EBF3: variants seen among roughly 807,000 people sequenced by gnomAD.
The protein encoded by EBF3 is EBF transcription factor 3.
In EBF3, 18 loss-of-function variants were observed where a neutral mutation model predicts 77.1. That is an observed-to-expected ratio of 0.23 (90% CI 0.16 to 0.35). The LOEUF is 0.35. Among genes scored for constraint, EBF3 ranks in the 10% least tolerant of loss-of-function variants. EBF3 has a pLI of 1.00. For missense variants in EBF3, 558 were observed against 860.0 expected, an observed-to-expected ratio of 0.65 and a Z score of 4.39; for synonymous variants, 350 against 343.5, an observed-to-expected ratio of 1.02 and a Z score of -0.21.
At position 129,843,214 on chromosome 10, in the gene EBF3, G is replaced by T. The variant is rs796129106; in HGVS notation, c.1129-12C>A. 7 of 1,606,894 alleles carry T rather than the reference G, an allele frequency of 4.4e-6. No homozygotes were observed. The South Asian group carries it at 4.5e-5, about 10-fold the overall frequency. The stretch of plus-strand genomic sequence containing the variant: ...TTCAGTAACACCTCCTAAAGGAAGA[G>T]CAGACAGGAGGTGATTCATGGGAGG... On this transcript the variant is annotated splice_polypyrimidine_tract_variant and intron_variant, in intron 11 of 16. Transcript: ENST00000440978.
At chr10:129,868,960 C>T (rs903885107) in intron 8 of EBF3, among the ~76,000 whole-genome samples, 1 of 152,222 alleles carries the variant, frequency 6.6e-6, no homozygotes, top group Admixed American at 6.5e-5. Context: ...ATCCTCAGGA[C>T]CCTCAGACTA....
At chr10:129,876,061 CAGTCATCTACATATA>C (rs1355829505) in intron 7 of EBF3, among the ~76,000 whole-genome samples, 3 of 152,204 alleles carry the variant, frequency 2.0e-5, no homozygotes, top group Admixed American at 6.5e-5. Context: ...ACAGGCTTTG[CAGTCATCTACATATA>C]GGTCAGCCAC....
intron 7 of EBF3, 118 bp from the exon 8 acceptor site, chr10:129,873,714 G>A: frequency 8.9e-7 from 1 of 1,128,110 alleles, no homozygotes; most frequent in Non-Finnish European, 1.2e-6. Context: ...ACGTGTTCCT[G>A]GACACTGTTG....
At position 129,841,279 on chromosome 10, in the gene EBF3, G is replaced by A. The variant is rs960158494; in HGVS notation, c.1373-247C>T. The stretch of plus-strand genomic sequence containing the variant: ...AGCCGGGGCGCGCTTCGATCTCGCC[G>A]TCAGTGGCTTTCACGTTTCTCTTTA... On this transcript the variant is annotated intron_variant, in intron 13 of 16. Transcript: ENST00000440978. This position sits in a 1 kb window ranked among gnomAD's most constrained non-coding sequence, Gnocchi z 4.6. Among the ~76,000 whole-genome samples the A allele has an allele frequency of 2.6e-5, 4 of 152,178 alleles. No individual in the cohort carries two copies. Among genetic ancestry groups the A allele is most frequent in the Admixed American group, 1.3e-4 (2 of 15,284 alleles).
chr10:129,845,075 G>A (rs767878690), intron 11 of EBF3, among the ~76,000 whole-genome samples: 6 of 152,096 alleles, frequency 3.9e-5, no homozygotes, highest in Non-Finnish European at 7.4e-5. Flanking sequence ...GGAAAATTAC[G>A]TATGCTCTTA....
intron 10 of EBF3, among the ~76,000 whole-genome samples, chr10:129,854,609 C>T (rs1242017644): frequency 6.6e-6 from 1 of 152,188 alleles, no homozygotes; most frequent in Non-Finnish European, 1.5e-5. Flanking sequence ...TCGGTTCCCT[C>T]TGCAGCCGAT....
chr10:129,839,009 G>T, intron 16 of EBF3, 74 bp downstream of exon 16: 1 of 1,268,466 alleles, frequency 7.9e-7, no homozygotes, highest in Non-Finnish European at 1.0e-6. Context: ...CCAGTCGGCG[G>T]CACTTCGGGG....
intron 16 of EBF3, among the ~76,000 whole-genome samples, chr10:129,838,638 C>T (rs995518099): frequency 3.9e-5 from 6 of 152,220 alleles, no homozygotes; most frequent in East Asian, 3.9e-4. Flanking sequence ...TGCACGAAAA[C>T]GCCAAGTGGG....
intron 10 of EBF3, among the ~76,000 whole-genome samples, chr10:129,854,755 G>A (rs1851129487): frequency 6.6e-6 from 1 of 152,222 alleles, no homozygotes; most frequent in Non-Finnish European, 1.5e-5. Flanking sequence ...ATACTTTGCA[G>A]CTTTTCTCAT....
intron 7 of EBF3, 96 bp from the exon 8 acceptor site, chr10:129,873,692 C>A (rs1389379881): frequency 1.6e-6 from 2 of 1,289,428 alleles, no homozygotes; most frequent in Non-Finnish European, 2.0e-6. Flanking sequence ...CTGCAGAGCA[C>A]AAGGAAATTT....
At chr10:129,877,720 G>T in intron 7 of EBF3, 48 bp downstream of exon 7, 1 of 1,507,010 alleles carries the variant, frequency 6.6e-7, no homozygotes, top group Non-Finnish European at 9.2e-7. Context: ...TTCAAATTTG[G>T]TATGAAAAGT....
intron 12 of EBF3, 39 bp downstream of exon 12, chr10:129,843,098 G>GT (rs775027465): frequency 7.0e-5 from 104 of 1,477,580 alleles, no homozygotes; most frequent in Non-Finnish European, 2.1e-5. Context: ...GTTCTGGCAT[G>GT]GGGGGGAGGA....
chr10:129,889,257 C>T (rs982882303), intron 6 of EBF3, among the ~76,000 whole-genome samples: 4 of 152,220 alleles, frequency 2.6e-5, no homozygotes, highest in African/African-American at 9.6e-5. Flanking sequence ...GCAGGGTCTA[C>T]AGAGAGCATG....
In EBF3 at chr10:129,841,748, G is replaced by C. The variant is rs1280327827; in HGVS notation, c.1372+368C>G. Among the ~76,000 whole-genome samples the C allele has an allele frequency of 6.6e-6, 1 of 152,152 alleles. No individual in the cohort carries two copies. The highest frequency in any genetic ancestry group is 2.4e-5 in the African/African-American group (1 of 41,426). ...ACTTAGACCCAAATCCCGCCGTGCA[G>C]TGCGTCCAAGCAGGCTCCCCTCAGC... is the stretch of plus-strand genomic sequence containing the variant. On this transcript the variant is annotated intron_variant, in intron 13 of 16. Transcript: ENST00000440978. This position sits in a 1 kb window ranked among gnomAD's most constrained non-coding sequence, Gnocchi z 4.6.
At chr10:129,889,802 C>CAAA (rs57252162) in intron 6 of EBF3, among the ~76,000 whole-genome samples, 12,222 of 114,636 alleles carry the variant, frequency 0.11, 731 homozygotes, top group East Asian at 0.2. Flanking sequence ...GTCACATCTG[C>CAAA]AAAAAAAAAA....
At chr10:129,855,402 C>G (rs1036282720) in intron 10 of EBF3, among the ~76,000 whole-genome samples, 1 of 152,226 alleles carries the variant, frequency 6.6e-6, no homozygotes, top group Non-Finnish European at 1.5e-5. Context: ...TCAAACAATT[C>G]TGTTTACATA....
intron 6 of EBF3, among the ~76,000 whole-genome samples, chr10:129,910,783 TC>T (rs1319536189): frequency 1.3e-5 from 2 of 151,998 alleles, no homozygotes; most frequent in African/African-American, 4.8e-5. Context: ...CTAAAATCCT[TC>T]CTAGACCCCC....
chr10:129,842,465 G>T lies in EBF3; in HGVS notation c.1195-172C>A, dbSNP rs1850142369. On this transcript the variant is annotated intron_variant, in intron 12 of 16. Coordinates refer to ENST00000440978, the MANE Select transcript of EBF3 (RefSeq NM_001375380.1). This position sits in a 1 kb window ranked among gnomAD's most constrained non-coding sequence, Gnocchi z 4.4. ...TAGAAAATCATTTACTGACGCTTTT[G>T]AAAGTGTGCAATATCTGGCTGGGCA... Among the ~76,000 whole-genome samples, 1 of 152,306 alleles carries T rather than the reference G, an allele frequency of 6.6e-6. No homozygotes were observed. The highest frequency in any genetic ancestry group is 1.9e-4 in the East Asian group (1 of 5,150).
At chr10:129,946,778 G>T (rs1431600246) in intron 6 of EBF3, among the ~76,000 whole-genome samples, 1 of 152,184 alleles carries the variant, frequency 6.6e-6, no homozygotes, top group Non-Finnish European at 1.5e-5. Context: ...GTGCACCTCT[G>T]GATGGGGAAC....
Sources: gnomAD v4.1 joint callset for allele counts (sites outside exome capture counted in the v4.1 genomes callset) on GRCh38, gnomAD v4.1.1 for gene constraint, Gnocchi (gnomAD v3.1) non-coding constraint, MANE v1.5 for transcripts, NCBI Gene and HGNC (gene_info 2026-07-23, HGNC 2026-07-21) for gene names.